HIPK3: variants seen among roughly 807,000 people sequenced by gnomAD.
The protein encoded by HIPK3 is homeodomain-interacting protein kinase 3.
A neutral mutation model predicts 124.2 loss-of-function variants in HIPK3; 47 were observed. That is an observed-to-expected ratio of 0.38 (90% CI 0.30 to 0.48). HIPK3 has a LOEUF of 0.48. HIPK3 is among the 20% of genes least tolerant of loss of function. The pLI is 0.98. For synonymous variants in HIPK3, 482 were observed against 515.2 expected, an observed-to-expected ratio of 0.94 and a Z score of 0.87; for missense variants, 1,286 against 1,454.3, an observed-to-expected ratio of 0.88 and a Z score of 1.88.
chr11:33,351,038 A>C (rs1451524380), intron 14 of HIPK3, among the ~76,000 whole-genome samples: 1 of 152,206 alleles, frequency 6.6e-6, no homozygotes, highest in Non-Finnish European at 1.5e-5. Context: ...AATGCTGTAG[A>C]AATCCCAAGG....
chr11:33,258,345 C>A (rs559786972), intron 1 of HIPK3: 2 of 985,588 alleles, frequency 2.0e-6, no homozygotes, highest in Non-Finnish European at 2.4e-6. Flanking sequence ...TTAAGGGGAA[C>A]AAACAAACGC....
At chr11:33,332,506 C>T (rs1029417470) in intron 3 of HIPK3, among the ~76,000 whole-genome samples, 24 of 152,038 alleles carry the variant, frequency 1.6e-4, no homozygotes, top group African/African-American at 7.2e-5. Context: ...GATGGATAGA[C>T]GGATGGACAA....
intron 2 of HIPK3, among the ~76,000 whole-genome samples, chr11:33,289,749 C>G (rs1336813488): frequency 1.3e-5 from 2 of 152,098 alleles, no homozygotes; most frequent in African/African-American, 4.8e-5. Context: ...CTATCAAATA[C>G]TACATATTAT....
At chr11:33,291,755 A>T (rs1157275902) in intron 2 of HIPK3, among the ~76,000 whole-genome samples, 1 of 152,148 alleles carries the variant, frequency 6.6e-6, no homozygotes, top group Non-Finnish European at 1.5e-5. Context: ...TTTTAAATAT[A>T]GAATTTTAGC....
rs992433040 is a variant in HIPK3 at position 33,356,542 on chromosome 11, T to A, written c.*2974T>A. ...TTCCTCCAGCGTGTTTAATTAAATA[T>A]GTTACTGTATTAGCAAAACATTTTC... On this transcript the variant is annotated 3_prime_UTR_variant, in exon 17 of 17. Transcript: ENST00000303296. 3 of 152,056 alleles carry A rather than the reference T, an allele frequency of 2.0e-5. No homozygotes were observed. Among genetic ancestry groups the A allele is most frequent in the African/African-American group, 4.8e-5 (2 of 41,448 alleles). The allele number at this position is 152,056 out of a possible 1,614,324, so 9.4% of individuals were successfully genotyped here.
At chr11:33,313,459 G>A (rs1196150760) in intron 2 of HIPK3, among the ~76,000 whole-genome samples, 1 of 152,076 alleles carries the variant, frequency 6.6e-6, no homozygotes, top group Admixed American at 6.6e-5. Context: ...AGAAGTAAAG[G>A]GGTACAGTGT....
intron 1 of HIPK3, among the ~76,000 whole-genome samples, chr11:33,264,474 A>T (rs1011176322): frequency 8.1e-5 from 11 of 136,480 alleles, no homozygotes; most frequent in Non-Finnish European, 1.9e-4. Flanking sequence ...CTAGTTGGAA[A>T]AAAAACAGTT....
chr11:33,303,427 G>A (rs576468348), intron 2 of HIPK3, among the ~76,000 whole-genome samples: 2 of 152,304 alleles, frequency 1.3e-5, no homozygotes, highest in African/African-American at 4.8e-5. Context: ...AAGGCTGACT[G>A]TAGTTACTCG....
At chr11:33,320,609 G>A (rs950968345) in intron 2 of HIPK3, among the ~76,000 whole-genome samples, 5 of 152,206 alleles carry the variant, frequency 3.3e-5, no homozygotes, top group African/African-American at 1.2e-4. Flanking sequence ...GATGGTAGCA[G>A]TAAAGGTAGT....
At chr11:33,314,257 T>A (rs1852430902) in intron 2 of HIPK3, among the ~76,000 whole-genome samples, 1 of 152,218 alleles carries the variant, frequency 6.6e-6, no homozygotes, top group Admixed American at 6.5e-5. Context: ...GAAAAGTTAC[T>A]TTTGCACTTA....
At chr11:33,294,108 C>T (rs999196310) in intron 2 of HIPK3, among the ~76,000 whole-genome samples, 30 of 150,676 alleles carry the variant, frequency 2.0e-4, no homozygotes, top group Non-Finnish European at 3.5e-4. Context: ...AAGCCAAGAT[C>T]GCGCCATTGC....
At chr11:33,280,773 C>T (rs1313066053) in intron 1 of HIPK3, among the ~76,000 whole-genome samples, 1 of 152,230 alleles carries the variant, frequency 6.6e-6, no homozygotes. Flanking sequence ...TGTCAGTTAT[C>T]AGCTGTTCAC....
chr11:33,301,990 A>C (rs956089408), intron 2 of HIPK3, among the ~76,000 whole-genome samples: 4 of 152,316 alleles, frequency 2.6e-5, no homozygotes, highest in Admixed American at 1.3e-4. Flanking sequence ...AGACCTGTAC[A>C]GTACCTAAGG....
At chr11:33,304,480 C>G (rs1852096689) in intron 2 of HIPK3, among the ~76,000 whole-genome samples, 1 of 151,788 alleles carries the variant, frequency 6.6e-6, no homozygotes, top group Non-Finnish European at 1.5e-5. Flanking sequence ...TTGCCTGAAC[C>G]CAGGAGGCGG....
At chr11:33,275,286 C>T (rs1213349815) in intron 1 of HIPK3, among the ~76,000 whole-genome samples, 1 of 152,162 alleles carries the variant, frequency 6.6e-6, no homozygotes, top group Non-Finnish European at 1.5e-5. Flanking sequence ...GATCCGCCCG[C>T]CTCAGCCTCC....
chr11:33,344,477 A>G (rs1398355359), intron 8 of HIPK3, among the ~76,000 whole-genome samples: 1 of 152,202 alleles, frequency 6.6e-6, no homozygotes, highest in Non-Finnish European at 1.5e-5. Context: ...TCTAAACAGC[A>G]TTGAGCATAA....
chr11:33,346,341 GA>G (rs1164542705), intron 8 of HIPK3, among the ~76,000 whole-genome samples: 2 of 152,148 alleles, frequency 1.3e-5, no homozygotes, highest in Admixed American at 1.3e-4. Flanking sequence ...TCTCTGCTAA[GA>G]ATACTAGTCA....
chr11:33,337,684 C>G (rs1451847078), intron 4 of HIPK3, among the ~76,000 whole-genome samples: 1 of 147,576 alleles, frequency 6.8e-6, no homozygotes, highest in Non-Finnish European at 1.5e-5. Flanking sequence ...TTCTCTTTTT[C>G]TTTTTTTGAG....
At chr11:33,296,038 C>T (rs962775633) in intron 2 of HIPK3, among the ~76,000 whole-genome samples, 2 of 152,184 alleles carry the variant, frequency 1.3e-5, no homozygotes, top group Non-Finnish European at 2.9e-5. Flanking sequence ...TGTAGTTCCT[C>T]TATTAGGAAT....
Sources: gnomAD v4.1 joint callset for allele counts (sites outside exome capture counted in the v4.1 genomes callset) on GRCh38, gnomAD v4.1.1 for gene constraint, MANE v1.5 for transcripts, NCBI Gene and HGNC (gene_info 2026-07-23, HGNC 2026-07-21) for gene names.